The following EGFLAM variants were observed in gnomAD, a reference collection of about 807,000 sequenced individuals.
EGFLAM encodes the protein EGF like, fibronectin type III and laminin G domains.
A neutral mutation model predicts 113.1 loss-of-function variants in EGFLAM; 79 were observed. The observed-to-expected ratio is 0.70, with a 90% confidence interval of 0.58 to 0.84. The LOEUF (loss-of-function observed/expected upper bound fraction) is 0.84. Among genes scored for constraint, EGFLAM ranks in the 40% least tolerant of loss-of-function variants. The pLI is 0.00. For missense variants in EGFLAM, 1,265 were observed against 1,291.6 expected, an observed-to-expected ratio of 0.98 and a Z score of 0.32; for synonymous variants, 504 against 487.6, an observed-to-expected ratio of 1.03 and a Z score of -0.44.
intron 5 of EGFLAM, among the ~76,000 whole-genome samples, chr5:38,357,589 T>C (rs1739795762): frequency 6.6e-6 from 1 of 152,152 alleles, no homozygotes; most frequent in Non-Finnish European, 1.5e-5. Flanking sequence ...CAGGTTTCTG[T>C]GTGAGCCAAA....
intron 1 of EGFLAM, among the ~76,000 whole-genome samples, chr5:38,283,682 G>A (rs1758081234): frequency 6.6e-6 from 1 of 152,142 alleles, no homozygotes; most frequent in Non-Finnish European, 1.5e-5. Context: ...TCTGACCCCT[G>A]GTCTACAGCT....
chr5:38,464,733 T>G lies in EGFLAM; in HGVS notation c.*747T>G, dbSNP rs1019872470. 5.3e-5 allele frequency: 8 copies of G among 152,242 alleles called. No individual in the cohort carries two copies. Among genetic ancestry groups the G allele is most frequent in the Admixed American group, 2.0e-4 (3 of 15,284 alleles). The allele number at this position is 152,242 out of a possible 1,614,324, so 9.4% of individuals were successfully genotyped here. On this transcript the variant is annotated 3_prime_UTR_variant, in exon 22 of 22. Transcript: ENST00000322350. ...GTATACTTTTGGAAGTTTGGGTGGA[T>G]GACTCTGAATTCTTGCACACCTTTC... is the stretch of plus-strand genomic sequence containing the variant.
rs139808103 is a variant in EGFLAM at position 38,456,316 on chromosome 5, A to T, written c.2688-1995A>T. Among the ~76,000 whole-genome samples the T allele has an allele frequency of 4.9e-3, 746 of 152,302 alleles. 3 individuals carry two copies. Among genetic ancestry groups the T allele is most frequent in the Non-Finnish European group, 7.2e-3 (493 of 68,022 alleles). On this transcript the variant is annotated intron_variant, in intron 19 of 21. Coordinates refer to ENST00000322350, the MANE Select transcript of EGFLAM (RefSeq NM_152403.4). Reference sequence around the variant, plus strand: ...AACTAGCGAGTCTGGGGATCAAGGCAGGTCCGTTGAATCTGAGTGTCCGTG... The same window carrying T: ...AACTAGCGAGTCTGGGGATCAAGGCTGGTCCGTTGAATCTGAGTGTCCGTG...
At chr5:38,267,674 A>C (rs1757666619) in intron 1 of EGFLAM, among the ~76,000 whole-genome samples, 1 of 152,200 alleles carries the variant, frequency 6.6e-6, no homozygotes, top group South Asian at 2.1e-4. Context: ...CCGCTCTGGC[A>C]TAAGAATTTA....
rs140717985 is a variant in EGFLAM, at chr5:38,341,771, A to G, written c.291+2990A>G. On this transcript the variant is annotated intron_variant, in intron 3 of 21. Coordinates refer to ENST00000322350, the MANE Select transcript of EGFLAM (RefSeq NM_152403.4). ...ATGTGAGTTATAAGGTAATGATTGT[A>G]GAAACTTCAGCACGATACCTGGCAG... Among the ~76,000 whole-genome samples, 386 of 152,344 alleles carry G rather than the reference A, an allele frequency of 2.5e-3. 4 individuals carry two copies. Among genetic ancestry groups the G allele is most frequent in the Non-Finnish European group, 2.2e-3 (152 of 68,028 alleles).
intron 17 of EGFLAM, among the ~76,000 whole-genome samples, chr5:38,440,656 G>A (rs772986408): frequency 6.6e-6 from 1 of 152,158 alleles, no homozygotes; most frequent in Non-Finnish European, 1.5e-5. Flanking sequence ...ATCCAGCAAG[G>A]TGATTTTTAG....
chr5:38,281,535 T>A (rs1324645542), intron 1 of EGFLAM, among the ~76,000 whole-genome samples: 1 of 152,212 alleles, frequency 6.6e-6, no homozygotes, highest in Non-Finnish European at 1.5e-5. Context: ...TCTAATCATA[T>A]AATAATTATA....
At chr5:38,309,459 T>C (rs746789605) in intron 1 of EGFLAM, among the ~76,000 whole-genome samples, 5 of 152,182 alleles carry the variant, frequency 3.3e-5, no homozygotes, top group Non-Finnish European at 4.4e-5. Flanking sequence ...CTAGCACTAG[T>C]AGGGAAAAGA....
chr5:38,458,216 A>C (rs1743152573), intron 19 of EGFLAM, 95 bp from the exon 20 acceptor site: 1 of 1,164,522 alleles, frequency 8.6e-7, no homozygotes, highest in East Asian at 2.6e-5. Flanking sequence ...CTGAGTTGCA[A>C]AGAACTTTTG....
chr5:38,337,708 A>G (rs980584064), intron 2 of EGFLAM, 79 bp downstream of exon 2: 2 of 1,212,064 alleles, frequency 1.7e-6, no homozygotes, highest in Non-Finnish European at 2.3e-6. Context: ...CTTTTTCTAG[A>G]TATCTGTCCT....
chr5:38,349,773 G>GCGCGCACACACACACACACA (rs1554049180), intron 3 of EGFLAM, among the ~76,000 whole-genome samples: 1 of 130,946 alleles, frequency 7.6e-6, no homozygotes, highest in East Asian at 2.3e-4. Context: ...AAGTACACAC[G>GCGCGCACACACACACACACA]CACACACACA....
intron 11 of EGFLAM, among the ~76,000 whole-genome samples, chr5:38,416,575 C>T (rs1478481490): frequency 4.6e-5 from 7 of 152,250 alleles, no homozygotes; most frequent in Admixed American, 1.3e-4. Flanking sequence ...GACTGTTGCC[C>T]GGGATCTTGC....
intron 1 of EGFLAM, among the ~76,000 whole-genome samples, chr5:38,283,441 G>A (rs1024417148): frequency 5.3e-5 from 8 of 152,168 alleles, no homozygotes; most frequent in African/African-American, 1.9e-4. Context: ...CATGCATTGT[G>A]CCTTTACATA....
rs73750690 is a variant in EGFLAM at position 38,330,623 on chromosome 5, T to C, written c.98-6897T>C. 9.0e-3 allele frequency among the ~76,000 whole-genome samples: 1,373 copies of C among 152,308 alleles called. 18 individuals are homozygous for C. Among genetic ancestry groups the C allele is most frequent in the African/African-American group, 0.031 (1,298 of 41,576 alleles). ...ATTTTCTGTACTGAACCACTGCAGA[T>C]ACACAAGGGATACAAGAACTGGTTC... On this transcript the variant is annotated intron_variant, in intron 1 of 21. Transcript: ENST00000322350.
intron 1 of EGFLAM, among the ~76,000 whole-genome samples, chr5:38,312,541 C>T (rs751988195): frequency 1.3e-4 from 20 of 152,056 alleles, no homozygotes; most frequent in Non-Finnish European, 2.1e-4. Context: ...CGCCTGGCCA[C>T]CTCAGATTCT....
At chr5:38,352,359 CA>C (rs755813479) in intron 5 of EGFLAM, 28 bp downstream of exon 5, 1 of 1,612,064 alleles carries the variant, frequency 6.2e-7, no homozygotes, top group Non-Finnish European at 8.5e-7. Context: ...ATTCAAAAGC[CA>C]AATGTGTGCT....
At chr5:38,435,650 A>G (rs1045627144) in intron 16 of EGFLAM, among the ~76,000 whole-genome samples, 2 of 152,034 alleles carry the variant, frequency 1.3e-5, no homozygotes, top group African/African-American at 4.8e-5. Context: ...AGTTTGCTCA[A>G]CATTAGAGCC....
chr5:38,403,355 G>A (rs1741176612), intron 6 of EGFLAM: 1 of 155,288 alleles, frequency 6.4e-6, no homozygotes, highest in African/African-American at 2.4e-5. Context: ...AGCAACCTCA[G>A]CATATGATTT....
intron 6 of EGFLAM, among the ~76,000 whole-genome samples, chr5:38,378,726 G>A (rs1579842309): frequency 6.6e-6 from 1 of 152,192 alleles, no homozygotes; most frequent in African/African-American, 2.4e-5. Context: ...TGGGTCTGAG[G>A]TCCAGGAAAA....
Sources: gnomAD v4.1 joint callset for allele counts (sites outside exome capture counted in the v4.1 genomes callset) on GRCh38, gnomAD v4.1.1 for gene constraint, MANE v1.5 for transcripts, NCBI Gene and HGNC (gene_info 2026-07-23, HGNC 2026-07-21) for gene names.